Variants in SUCNR1 observed in about 807,000 individuals in gnomAD.
SUCNR1 encodes the protein succinate receptor 1.
Under a neutral mutation model 2.4 loss-of-function variants are expected in SUCNR1, and 5 were observed. That is an observed-to-expected ratio of 2.07 (90% CI 1.08 to 4.36). The LOEUF (loss-of-function observed/expected upper bound fraction) is 4.36. Among genes scored for constraint, SUCNR1 ranks in the 30% most tolerant of loss-of-function variants. The pLI is 0.00. For synonymous variants in SUCNR1, 162 were observed against 143.9 expected, an observed-to-expected ratio of 1.13 and a Z score of -0.90; for missense variants, 373 against 399.2, an observed-to-expected ratio of 0.93 and a Z score of 0.56.
intron 1 of SUCNR1, among the ~76,000 whole-genome samples, chr3:151,874,159 T>A (rs1442138110): frequency 6.0e-5 from 8 of 132,452 alleles, no homozygotes; most frequent in South Asian, 2.5e-4. Flanking sequence ...TTTTTTTTTT[T>A]TTTTTTTTTT....
intron 1 of SUCNR1, among the ~76,000 whole-genome samples, chr3:151,878,780 T>C (rs1342610051): frequency 6.6e-6 from 1 of 152,158 alleles, no homozygotes; most frequent in Non-Finnish European, 1.5e-5. Flanking sequence ...TTTCAAAATA[T>C]TAAACTTATA....
chr3:151,880,891 CAGCAT>C lies in SUCNR1; in HGVS notation c.351_355del (p.Ser117ArgfsTer7). On this transcript the variant is annotated frameshift_variant, in exon 3 of 3. Coordinates refer to ENST00000362032, the MANE Select transcript of SUCNR1 (RefSeq NM_033050.6). LOFTEE classifies it low-confidence loss of function (END_TRUNC). ...CCAGCATTCTCTTTCTCACTTTTAT[CAGCAT>C]AGATCGATACTTGATAATTAAGTAT... 1.9e-6 allele frequency: 3 copies of C among 1,614,092 alleles called. No individual in the cohort carries two copies. The highest frequency in any genetic ancestry group is 2.2e-5 in the East Asian group (1 of 44,876).
In SUCNR1 at chr3:151,884,563, G is replaced by C. The variant is rs553285059; in HGVS notation, c.*3015G>C. 1 of 152,232 alleles carries C rather than the reference G, an allele frequency of 6.6e-6. No individual in the cohort carries two copies. Among genetic ancestry groups the C allele is most frequent in the South Asian group, 2.1e-4 (1 of 4,820 alleles). The allele number at this position is 152,232 out of a possible 1,614,324, so 9.4% of individuals were successfully genotyped here. On this transcript the variant is annotated 3_prime_UTR_variant, in exon 3 of 3. Transcript: ENST00000362032. ...TTCCATCAAAGAGTATTGATATTTTGTATATACATTTACAAATGTACATGT... is the reference window on the plus strand; with the variant it reads ...TTCCATCAAAGAGTATTGATATTTTCTATATACATTTACAAATGTACATGT...
rs1490835142 is a variant in SUCNR1 at position 151,883,479 on chromosome 3, T to C, written c.*1931T>C. 4 of 130,462 alleles carry C rather than the reference T, an allele frequency of 3.1e-5. 1 individual carries two copies. The highest frequency in any genetic ancestry group is 1.2e-4 in the African/African-American group (4 of 34,594). 8.1% of individuals were successfully genotyped at this position (130,462 alleles called of 1,614,324 possible). A position where few individuals can be genotyped will look rare whatever the true frequency, so the allele number is the denominator to read the frequency against. On this transcript the variant is annotated 3_prime_UTR_variant, in exon 3 of 3. Transcript: ENST00000362032. ...CCATAAACTCACATATATATATATA[T>C]ATATATATATATATATATATATATA... is the stretch of plus-strand genomic sequence containing the variant.
chr3:151,884,111 A>G lies in SUCNR1; in HGVS notation c.*2563A>G, dbSNP rs983014949. Reference sequence around the variant, plus strand: ...ATTTGAATTTCATTATTTTTATTATAGTTTATTATTGTCTTCATAGCTGAG... The same window carrying G: ...ATTTGAATTTCATTATTTTTATTATGGTTTATTATTGTCTTCATAGCTGAG... On this transcript the variant is annotated 3_prime_UTR_variant, in exon 3 of 3. Transcript: ENST00000362032. 6.6e-6 allele frequency: 1 copy of G among 152,182 alleles called. No individual in the cohort carries two copies. Among genetic ancestry groups the G allele is most frequent in the Non-Finnish European group, 1.5e-5 (1 of 68,036 alleles). 9.4% of individuals were successfully genotyped at this position (152,182 alleles called of 1,614,324 possible). A position where few individuals can be genotyped will look rare whatever the true frequency, so the allele number is the denominator to read the frequency against.
chr3:151,880,894 C>T lies in SUCNR1; in HGVS notation c.351C>T (p.Ser117=). Residue 117 remains serine, a synonymous_variant, in exon 3 of 3, where the codon AGC becomes AGT. Coordinates refer to ENST00000362032, the MANE Select transcript of SUCNR1 (RefSeq NM_033050.6). Reference sequence around the variant, plus strand: ...GCATTCTCTTTCTCACTTTTATCAGCATAGATCGATACTTGATAATTAAGT... The same window carrying T: ...GCATTCTCTTTCTCACTTTTATCAGTATAGATCGATACTTGATAATTAAGT... ...YTSILFLTFI[S]IDRYLIIKYP... The T allele has an allele frequency of 1.2e-6, 2 of 1,614,018 alleles. No homozygotes were observed. Among genetic ancestry groups the T allele is most frequent in the East Asian group, 4.5e-5 (2 of 44,880 alleles).
Position 151,882,894 on chromosome 3 carries a change from CT to C in SUCNR1, c.*1347del, listed in dbSNP as rs1407629932. 2.0e-5 allele frequency: 3 copies of C among 152,044 alleles called. No individual in the cohort carries two copies. Among genetic ancestry groups the C allele is most frequent in the African/African-American group, 7.2e-5 (3 of 41,404 alleles). 9.4% of individuals were successfully genotyped at this position (152,044 alleles called of 1,614,324 possible). On this transcript the variant is annotated 3_prime_UTR_variant, in exon 3 of 3. Coordinates refer to ENST00000362032, the MANE Select transcript of SUCNR1 (RefSeq NM_033050.6). ...ACATAAAGTACCTATGGCCACATAT[CT>C]AAGTTCCTTTCCTTGATGTCATTAG... is the stretch of plus-strand genomic sequence containing the variant.
chr3:151,874,208 T>C (rs1717854037), intron 1 of SUCNR1, among the ~76,000 whole-genome samples: 1 of 145,472 alleles, frequency 6.9e-6, no homozygotes, highest in African/African-American at 2.5e-5. Context: ...GGCTAGAGTG[T>C]CTGAGTGCCA....
chr3:151,881,776 T>G lies in SUCNR1; in HGVS notation c.*228T>G, dbSNP rs1047514752. On this transcript the variant is annotated 3_prime_UTR_variant, in exon 3 of 3. Coordinates refer to ENST00000362032, the MANE Select transcript of SUCNR1 (RefSeq NM_033050.6). ...GTTTGGGCATGTAACTCCAAAATAC[T>G]AGGTAGTATAAGGCTTTCTCAATCA... 5 of 468,188 alleles carry G rather than the reference T, an allele frequency of 1.1e-5. No individual in the cohort carries two copies. The South Asian group carries it at 1.7e-4, about 16-fold the overall frequency. The allele number at this position is 468,188 out of a possible 1,614,324, so 29.0% of individuals were successfully genotyped here. A position where few individuals can be genotyped will look rare whatever the true frequency, so the allele number is the denominator to read the frequency against.
intron 1 of SUCNR1, among the ~76,000 whole-genome samples, chr3:151,875,668 G>A (rs1717903751): frequency 6.6e-6 from 1 of 151,928 alleles, no homozygotes; most frequent in Non-Finnish European, 1.5e-5. Context: ...TTGCCTATTT[G>A]ATTTTATGAG....
chr3:151,877,197 A>C (rs1717949590), intron 1 of SUCNR1, among the ~76,000 whole-genome samples: 2 of 152,154 alleles, frequency 1.3e-5, no homozygotes, highest in Non-Finnish European at 2.9e-5. Context: ...GCAGGAAGAA[A>C]GGAAGATGAA....
rs1164464683 is a variant in SUCNR1, at chr3:151,881,241, T to C, written c.698T>C (p.Leu233Ser). The change falls in exon 3 of 3, where the codon TTG becomes TCG. Residue 233 changes from leucine to serine, a missense_variant. By Grantham distance (145) the Leu-to-Ser change is moderately radical (BLOSUM62 -2). Coordinates refer to ENST00000362032, the MANE Select transcript of SUCNR1 (RefSeq NM_033050.6). ...CTGCCCCTTGAAAAGCCTCTCAACT[T>C]GGTCATCATGGCAGTGGTAATCTTC... ...TALPLEKPLN[L>S]VIMAVVIFSV... The C allele has an allele frequency of 6.2e-7, 1 of 1,614,220 alleles. No homozygotes were observed. Among genetic ancestry groups the C allele is most frequent in the Admixed American group, 1.7e-5 (1 of 60,024 alleles).
intron 1 of SUCNR1, among the ~76,000 whole-genome samples, chr3:151,877,058 G>T (rs974336054): frequency 1.3e-5 from 2 of 152,144 alleles, no homozygotes; most frequent in African/African-American, 2.4e-5. Context: ...CACTTGAACA[G>T]AGGCCTGAGA....
intron 1 of SUCNR1, among the ~76,000 whole-genome samples, chr3:151,875,064 T>TTATGTGAGTA (rs1462837784): frequency 3.1e-4 from 47 of 152,144 alleles, no homozygotes; most frequent in African/African-American, 1.0e-3. Context: ...ATTGGTCTGC[T>TTATGTGAGTA]TATGTGAGTA....
rs1323041481 is a variant in SUCNR1, at chr3:151,882,871, A to G, written c.*1323A>G. The G allele has an allele frequency of 6.6e-6, 1 of 152,158 alleles. No individual in the cohort carries two copies. The highest frequency in any genetic ancestry group is 2.4e-5 in the African/African-American group (1 of 41,456). The allele number at this position is 152,158 out of a possible 1,614,324, so 9.4% of individuals were successfully genotyped here. A position where few individuals can be genotyped will look rare whatever the true frequency, so the allele number is the denominator to read the frequency against. On this transcript the variant is annotated 3_prime_UTR_variant, in exon 3 of 3. Coordinates refer to ENST00000362032, the MANE Select transcript of SUCNR1 (RefSeq NM_033050.6). The stretch of plus-strand genomic sequence containing the variant: ...ACATAATAATTCCTTGATATGCAAC[A>G]TAAAGTACCTATGGCCACATATCTA...
intron 1 of SUCNR1, among the ~76,000 whole-genome samples, chr3:151,876,043 T>C (rs1717916593): frequency 1.3e-5 from 2 of 152,160 alleles, no homozygotes; most frequent in Non-Finnish European, 2.9e-5. Flanking sequence ...ATAAACGTTA[T>C]GACCAGAAAA....
At position 151,881,342 on chromosome 3, in the gene SUCNR1, C is replaced by G; in HGVS notation, c.799C>G (p.Gln267Glu). 2 of 1,614,124 alleles carry G rather than the reference C, an allele frequency of 1.2e-6. No homozygotes were observed. Among genetic ancestry groups the G allele is most frequent in the Non-Finnish European group, 1.7e-6 (2 of 1,179,986 alleles). ...ASRLGSWKQY[Q>E]CTQVVINSFY... ...ACGCCTGGGGAGTTGGAAGCAGTAT[C>G]AGTGCACTCAGGTCGTCATCAACTC... The change falls in exon 3 of 3, where the codon CAG becomes GAG. Residue 267 changes from glutamine to glutamate, a missense_variant. Around this residue, in one of 3 missense-constraint regions of SUCNR1, gnomAD observed 157 missense variants for 178.7 expected, o/e 0.88. Coordinates refer to ENST00000362032, the MANE Select transcript of SUCNR1 (RefSeq NM_033050.6).
Position 151,881,745 on chromosome 3 carries a change from C to G in SUCNR1, c.*197C>G. The G allele has an allele frequency of 1.8e-6, 1 of 549,530 alleles. No homozygotes were observed. The highest frequency in any genetic ancestry group is 3.1e-6 in the Non-Finnish European group (1 of 320,692). 34.0% of individuals were successfully genotyped at this position (549,530 alleles called of 1,614,324 possible). On this transcript the variant is annotated 3_prime_UTR_variant, in exon 3 of 3. Transcript: ENST00000362032. ...CTAAGAATTGAAAGGAGTTGAACTG[C>G]CTTATGTTTGGGCATGTAACTCCAA...
intron 1 of SUCNR1, among the ~76,000 whole-genome samples, chr3:151,877,075 T>C (rs921492645): frequency 6.6e-6 from 1 of 152,090 alleles, no homozygotes; most frequent in East Asian, 1.9e-4. Context: ...GAGAGAAGTA[T>C]AGATATATGA....
Sources: gnomAD v4.1 joint callset for allele counts (sites outside exome capture counted in the v4.1 genomes callset) on GRCh38, gnomAD v4.1.1 for gene constraint, gnomAD v4.1.1 regional missense constraint, MANE v1.5 for transcripts, NCBI Gene and HGNC (gene_info 2026-07-23, HGNC 2026-07-21) for gene names.